TENM2: variants seen among roughly 807,000 people sequenced by gnomAD.
The protein encoded by TENM2 is teneurin-2.
TENM2 carries 52 observed loss-of-function variants against 245.2 expected under a neutral mutation model. The ratio of observed to expected loss-of-function variants is 0.21; its 90% CI spans 0.17 to 0.27. The LOEUF is 0.27. Ranked by LOEUF, TENM2 falls within the 10% of genes least tolerant of loss-of-function variation. The pLI is 1.00. For missense variants in TENM2, 3,046 were observed against 3,666.8 expected, an observed-to-expected ratio of 0.83 and a Z score of 4.37; for synonymous variants, 1,363 against 1,438.9, an observed-to-expected ratio of 0.95 and a Z score of 1.19.
chr5:167,068,111 A>G, the TENM2 span, among the ~76,000 whole-genome samples: 1 of 152,198 alleles, frequency 6.6e-6, no homozygotes, highest in Non-Finnish European at 1.5e-5. Context: ...CATAAGGAAG[A>G]GTTGTATTTT....
intron 2 of TENM2, among the ~76,000 whole-genome samples, chr5:167,849,005 A>T (rs969826200): frequency 6.6e-6 from 1 of 152,162 alleles, no homozygotes; most frequent in Non-Finnish European, 1.5e-5. Flanking sequence ...GGTTTAAGAC[A>T]ATGAAAATGG....
At chr5:167,123,558 C>T in the TENM2 span, among the ~76,000 whole-genome samples, 1 of 152,266 alleles carries the variant, frequency 6.6e-6, no homozygotes, top group East Asian at 1.9e-4. Flanking sequence ...AATAAATGAA[C>T]CTTCATAAAC....
At chr5:168,226,387 C>G (rs1764189413) in intron 24 of TENM2, 124 bp downstream of exon 26, 2 of 797,944 alleles carry the variant, frequency 2.5e-6, no homozygotes, top group Admixed American at 5.7e-5. Flanking sequence ...CCCTAGCTTT[C>G]TATTTTATTC....
At chr5:167,849,388 A>G (rs955916495) in intron 2 of TENM2, among the ~76,000 whole-genome samples, 2 of 152,174 alleles carry the variant, frequency 1.3e-5, no homozygotes, top group Admixed American at 6.5e-5. Flanking sequence ...TGATGAAAAA[A>G]TAAAATCCAA....
At chr5:167,849,331 GA>G (rs890998667) in intron 2 of TENM2, among the ~76,000 whole-genome samples, 2 of 151,646 alleles carry the variant, frequency 1.3e-5, no homozygotes, top group East Asian at 1.9e-4. Flanking sequence ...CCAGAGACAG[GA>G]AAAAAAATTG....
chr5:167,906,656 TG>T (rs1776103058), intron 3 of TENM2, among the ~76,000 whole-genome samples: 1 of 152,198 alleles, frequency 6.6e-6, no homozygotes, highest in African/African-American at 2.4e-5. Context: ...GAGTGTACTC[TG>T]GGTGGGTACA....
intron 2 of TENM2, among the ~76,000 whole-genome samples, chr5:167,545,350 T>A (rs1772486028): frequency 6.6e-6 from 1 of 152,178 alleles, no homozygotes; most frequent in Non-Finnish European, 1.5e-5. Context: ...GGCTTTTTGG[T>A]GGTCTTCTAA....
At chr5:168,148,763 C>G (rs1020259474) in intron 12 of TENM2, among the ~76,000 whole-genome samples, 3 of 152,076 alleles carry the variant, frequency 2.0e-5, no homozygotes, top group South Asian at 4.2e-4. Flanking sequence ...ATACGGGCTC[C>G]TCTATGAGGT....
At chr5:167,554,969 T>G (rs1773172435) in intron 2 of TENM2, among the ~76,000 whole-genome samples, 1 of 152,098 alleles carries the variant, frequency 6.6e-6, no homozygotes, top group Admixed American at 6.5e-5. Flanking sequence ...ATAAATTAAT[T>G]TTTTTTCAAT....
intron 13 of TENM2, among the ~76,000 whole-genome samples, chr5:168,180,992 G>A (rs1029841059): frequency 5.9e-5 from 9 of 152,192 alleles, no homozygotes; most frequent in South Asian, 4.1e-4. Context: ...ACACCATACC[G>A]GAGCAGGTAG....
the TENM2 span, among the ~76,000 whole-genome samples, chr5:167,273,184 A>G: frequency 2.0e-5 from 3 of 152,272 alleles, no homozygotes; most frequent in South Asian, 4.1e-4. Context: ...TGTTTTGCTA[A>G]AGTGATGGAC....
chr5:167,843,265 G>A (rs759219479), intron 2 of TENM2, among the ~76,000 whole-genome samples: 1 of 149,624 alleles, frequency 6.7e-6, no homozygotes, highest in African/African-American at 2.5e-5. Context: ...AAGAAGATAG[G>A]GATCATGCTT....
the TENM2 span, among the ~76,000 whole-genome samples, chr5:167,237,736 G>A: frequency 2.6e-5 from 4 of 151,996 alleles, no homozygotes; most frequent in African/African-American, 4.8e-5. Context: ...TGCTGTGGGC[G>A]GGGCCCGATG....
chr5:167,574,531 C>A (rs1239311765), intron 2 of TENM2, among the ~76,000 whole-genome samples: 1 of 152,058 alleles, frequency 6.6e-6, no homozygotes, highest in Non-Finnish European at 1.5e-5. Context: ...GTGGGTGAAG[C>A]GCTTCTTATA....
At chr5:167,078,921 A>G in the TENM2 span, among the ~76,000 whole-genome samples, 1 of 152,132 alleles carries the variant, frequency 6.6e-6, no homozygotes, top group African/African-American at 2.4e-5. Context: ...CTTGGGGGCC[A>G]TGTTAGACAG....
intron 23 of TENM2, among the ~76,000 whole-genome samples, chr5:168,224,986 C>T (rs971913854): frequency 5.3e-5 from 8 of 152,200 alleles, no homozygotes; most frequent in Middle Eastern, 3.4e-3. Context: ...GAAAACTCCA[C>T]GGTGTGAGAA....
At chr5:168,262,087 C>G (rs1022396286) in exon 29 of TENM2, 1 of 1,614,036 alleles carries the variant, frequency 6.2e-7, no homozygotes, top group Non-Finnish European at 8.5e-7. Flanking sequence ...AGAGACATAA[C>G]CAGGCCTTCA....
At chr5:168,065,517 C>T (rs551044512) in intron 7 of TENM2, among the ~76,000 whole-genome samples, 10 of 152,114 alleles carry the variant, frequency 6.6e-5, no homozygotes, top group South Asian at 4.1e-4. Flanking sequence ...CCTTTGTAAA[C>T]GAAAGCGCAA....
chr5:167,847,269 C>T (rs1770134164), intron 2 of TENM2, among the ~76,000 whole-genome samples: 1 of 152,172 alleles, frequency 6.6e-6, no homozygotes, highest in African/African-American at 2.4e-5. Context: ...TATCTTTATC[C>T]CACATAAATG....
Sources: allele counts gnomAD v4.1 joint callset (sites outside exome capture counted in the v4.1 genomes callset), GRCh38; gene constraint gnomAD v4.1.1; transcripts MANE v1.5; gene names NCBI Gene and HGNC (gene_info 2026-07-23, HGNC 2026-07-21).